The following CDC42EP4 variants were observed in gnomAD, a reference collection of about 807,000 sequenced individuals.
CDC42EP4 encodes the protein CDC42 effector protein (Rho GTPase binding) 4.
In CDC42EP4, 6 loss-of-function variants were observed where a neutral mutation model predicts 5.6. The observed-to-expected ratio is 1.07, with a 90% CI of 0.59 to 2.12. The LOEUF (loss-of-function observed/expected upper bound fraction) is 2.12, where lower values mean the gene tolerates loss of function less well. Among genes scored for constraint, CDC42EP4 ranks in the 30% most tolerant of loss-of-function variants. The pLI, the probability that CDC42EP4 is intolerant of heterozygous loss-of-function variation, is 0.00. For synonymous variants in CDC42EP4, 230 were observed against 224.2 expected (o/e 1.03, Z -0.23); for missense variants, 490 against 508.6 (o/e 0.96, Z 0.35).
chr17:73,295,051 A>C (rs1453729723), intron 1 of CDC42EP4, among the ~76,000 whole-genome samples: 1 of 151,916 alleles, frequency 6.6e-6, no homozygotes, highest in Non-Finnish European at 1.5e-5. Flanking sequence ...ACCTCAGGGG[A>C]TCCACCTGCC....
At chr17:73,299,623 T>G (rs962384867) in intron 1 of CDC42EP4, among the ~76,000 whole-genome samples, 3 of 152,084 alleles carry the variant, frequency 2.0e-5, no homozygotes, top group Non-Finnish European at 2.9e-5. Flanking sequence ...TCACAACTTC[T>G]AAGTGGTTAT....
At chr17:73,293,862 C>T (rs2062172835) in intron 1 of CDC42EP4, among the ~76,000 whole-genome samples, 1 of 152,204 alleles carries the variant, frequency 6.6e-6, no homozygotes, top group Non-Finnish European at 1.5e-5. Flanking sequence ...CGCTTAGATA[C>T]ACGTGGTTAC....
intron 1 of CDC42EP4, among the ~76,000 whole-genome samples, chr17:73,304,250 G>T (rs1316412749): frequency 6.6e-6 from 1 of 150,792 alleles, no homozygotes; most frequent in Non-Finnish European, 1.5e-5. Flanking sequence ...GATTTATTTT[G>T]ATTAAACTGT....
At position 73,299,002 on chromosome 17, in the gene CDC42EP4, C is replaced by T. The variant is rs576353496; in HGVS notation, c.-112-12390G>A. 4.0e-5 allele frequency among the ~76,000 whole-genome samples: 6 copies of T among 151,788 alleles called. No homozygotes were observed. The East Asian group carries it at 1.2e-3, about 29-fold the overall frequency. On this transcript the variant is annotated intron_variant, in intron 1 of 1. Coordinates refer to ENST00000335793, the MANE Select transcript of CDC42EP4 (RefSeq NM_012121.5). Reference sequence around the variant, plus strand: ...AGACACGGCATTGCTGTCACCCAGGCTGGAGTGTAGTGGTGCTATCATGGC... The same window carrying T: ...AGACACGGCATTGCTGTCACCCAGGTTGGAGTGTAGTGGTGCTATCATGGC...
chr17:73,287,822 G>A (rs1001443245), intron 1 of CDC42EP4, among the ~76,000 whole-genome samples: 6 of 152,136 alleles, frequency 3.9e-5, no homozygotes, highest in Admixed American at 1.3e-4. Flanking sequence ...CATGCCTGCC[G>A]CTGCGTCACA....
At chr17:73,302,515 T>C (rs2062224020) in intron 1 of CDC42EP4, among the ~76,000 whole-genome samples, 2 of 152,034 alleles carry the variant, frequency 1.3e-5, no homozygotes, top group Non-Finnish European at 2.9e-5. Flanking sequence ...CTCACTCTGT[T>C]AACCAGGCTC....
chr17:73,297,160 GGC>G (rs879532223), intron 1 of CDC42EP4, among the ~76,000 whole-genome samples: 35,964 of 149,854 alleles, frequency 0.24, 4,877 homozygotes, highest in Middle Eastern at 0.32. Context: ...CAGGTGTGGT[GGC>G]AGGCGCCTGT....
chr17:73,298,804 G>C (rs945444142), intron 1 of CDC42EP4, among the ~76,000 whole-genome samples: 2 of 152,192 alleles, frequency 1.3e-5, no homozygotes, highest in Admixed American at 1.3e-4. Flanking sequence ...ACTGGGCTCC[G>C]CTGCGTGCCA....
intron 1 of CDC42EP4, among the ~76,000 whole-genome samples, chr17:73,297,310 A>C (rs2062193416): frequency 1.6e-5 from 2 of 121,828 alleles, no homozygotes; most frequent in Non-Finnish European, 1.8e-5. Flanking sequence ...AAAAAAAAAA[A>C]CACACACACA....
intron 1 of CDC42EP4, among the ~76,000 whole-genome samples, chr17:73,291,292 C>T (rs2062160271): frequency 6.6e-6 from 1 of 152,098 alleles, no homozygotes; most frequent in Non-Finnish European, 1.5e-5. Context: ...CGCATCTGTC[C>T]CACTGCCCCA....
At chr17:73,311,361 G>A (rs2062274303) in intron 1 of CDC42EP4, 1 of 152,312 alleles carries the variant, frequency 6.6e-6, no homozygotes, top group African/African-American at 2.4e-5. Flanking sequence ...GTGTACGAGA[G>A]CGAGATGTGT....
intron 1 of CDC42EP4, among the ~76,000 whole-genome samples, chr17:73,292,633 T>G (rs1450312357): frequency 1.3e-5 from 2 of 152,132 alleles, no homozygotes; most frequent in African/African-American, 4.8e-5. Context: ...GAGGCCCCTC[T>G]TGAGGAAGGA....
At chr17:73,299,319 A>G (rs1021128712) in intron 1 of CDC42EP4, among the ~76,000 whole-genome samples, 38 of 151,258 alleles carry the variant, frequency 2.5e-4, no homozygotes, top group Admixed American at 2.4e-3. Flanking sequence ...AGTCCCAGCT[A>G]CTCGGGAGGT....
intron 1 of CDC42EP4, among the ~76,000 whole-genome samples, chr17:73,299,361 C>A (rs1427012232): frequency 7.4e-6 from 1 of 134,544 alleles, no homozygotes; most frequent in South Asian, 2.5e-4. Context: ...ACCCGGGAGG[C>A]GGAGCTTGCA....
At chr17:73,289,576 C>A (rs8082133) in intron 1 of CDC42EP4, among the ~76,000 whole-genome samples, 80,399 of 126,330 alleles carry the variant, frequency 0.64, 21,575 homozygotes, top group Non-Finnish European at 0.67. Context: ...AGAAAAAAAA[C>A]CACCAAAAAG....
intron 1 of CDC42EP4, among the ~76,000 whole-genome samples, chr17:73,307,699 T>C (rs963421722): frequency 2.0e-5 from 3 of 151,474 alleles, no homozygotes; most frequent in Non-Finnish European, 4.4e-5. Context: ...CCACCCGCCT[T>C]GGCCTCCCAA....
Position 73,286,087 on chromosome 17 carries a change from G to A in CDC42EP4, c.414C>T (p.Ser138=). The A allele has an allele frequency of 1.9e-6, 3 of 1,614,020 alleles. No homozygotes were observed. Among genetic ancestry groups the A allele is most frequent in the Non-Finnish European group, 2.5e-6 (3 of 1,180,030 alleles). ...CCTTCTTCACGGGGCTGGATGACAG[G>A]CTCTTGGGCAGCTTACTGGTGCCCT... ...AEKGTSKLPK[S]LSSSPVKKAN... Residue 138 remains serine (S), a synonymous_variant, in exon 2 of 2, where the codon AGC becomes AGT. Transcript: ENST00000335793. The surrounding 1 kb of genome is among the most constrained non-coding windows in gnomAD (Gnocchi z 7.7).
intron 1 of CDC42EP4, among the ~76,000 whole-genome samples, chr17:73,288,459 A>G (rs1223198402): frequency 6.8e-6 from 1 of 146,998 alleles, no homozygotes; most frequent in Non-Finnish European, 1.5e-5. Context: ...GAGTTTCACC[A>G]TGTTGGTCAG....
At chr17:73,303,356 A>T (rs1225062156) in intron 1 of CDC42EP4, among the ~76,000 whole-genome samples, 1 of 145,366 alleles carries the variant, frequency 6.9e-6, no homozygotes, top group Non-Finnish European at 1.5e-5. Context: ...AAACAAACAA[A>T]CAAACAAACA....
Sources: gnomAD v4.1 joint callset for allele counts (sites outside exome capture counted in the v4.1 genomes callset) on GRCh38, gnomAD v4.1.1 for gene constraint, Gnocchi (gnomAD v3.1) non-coding constraint, MANE v1.5 for transcripts, NCBI Gene and HGNC (gene_info 2026-07-23, HGNC 2026-07-21) for gene names.